The following DLGAP2 variants were observed in gnomAD, a reference collection of about 807,000 sequenced individuals.
DLGAP2 encodes disks large-associated protein 2.
DLGAP2 carries 26 observed loss-of-function variants against 100.3 expected under a neutral mutation model. The ratio of observed to expected loss-of-function variants is 0.26; its 90% CI spans 0.19 to 0.36. DLGAP2 has a LOEUF of 0.36. DLGAP2 is among the 10% of genes least tolerant of loss of function. The pLI is 1.00. For synonymous variants in DLGAP2, 886 were observed against 630.1 expected, an observed-to-expected ratio of 1.41 and a Z score of -6.08; for missense variants, 1,858 against 1,453.2, an observed-to-expected ratio of 1.28 and a Z score of -4.53.
chr8:801,861 A>C (rs1796159840), intron 1 of DLGAP2, among the ~76,000 whole-genome samples: 1 of 151,842 alleles, frequency 6.6e-6, no homozygotes, highest in African/African-American at 2.4e-5. Flanking sequence ...GCCCTTTCGT[A>C]CCTGAGCCGC....
chr8:1,575,699 A>G (rs922208776), intron 6 of DLGAP2, among the ~76,000 whole-genome samples: 12 of 136,774 alleles, frequency 8.8e-5, no homozygotes, highest in African/African-American at 3.0e-4. Flanking sequence ...ATTCCCACCT[A>G]TGAGTGAGAA....
chr8:1,315,553 C>A (rs867732816), intron 3 of DLGAP2, among the ~76,000 whole-genome samples: 10 of 105,028 alleles, frequency 9.5e-5, no homozygotes, highest in African/African-American at 3.1e-4. Context: ...AACTCGGCAG[C>A]GTTTAAAAAT....
At chr8:1,379,316 G>T (rs1416495772) in intron 3 of DLGAP2, among the ~76,000 whole-genome samples, 1 of 152,252 alleles carries the variant, frequency 6.6e-6, no homozygotes, top group Admixed American at 6.5e-5. Context: ...CGAGGCATGG[G>T]CCTAAGAGCC....
intron 3 of DLGAP2, among the ~76,000 whole-genome samples, chr8:1,262,734 A>G (rs1230136805): frequency 1.3e-5 from 2 of 152,224 alleles, no homozygotes; most frequent in African/African-American, 4.8e-5. Context: ...CATAGCAAAA[A>G]TCCGTGTGCG....
intron 1 of DLGAP2, among the ~76,000 whole-genome samples, chr8:904,220 A>G (rs1216544691): frequency 6.6e-6 from 1 of 152,188 alleles, no homozygotes; most frequent in Admixed American, 6.5e-5. Flanking sequence ...GATTTTCATT[A>G]ATTAAAATTA....
At chr8:871,866 A>C (rs1797605251) in intron 1 of DLGAP2, among the ~76,000 whole-genome samples, 1 of 152,124 alleles carries the variant, frequency 6.6e-6, no homozygotes, top group Admixed American at 6.5e-5. Context: ...CATGTATATT[A>C]AGTAATTCTT....
intron 3 of DLGAP2, among the ~76,000 whole-genome samples, chr8:1,469,194 G>A (rs551739526): frequency 6.6e-6 from 1 of 152,326 alleles, no homozygotes; most frequent in African/African-American, 2.4e-5. Context: ...TCCAGTCCTG[G>A]GGCTTCCTCC....
At chr8:827,554 C>G (rs1796704802) in intron 1 of DLGAP2, among the ~76,000 whole-genome samples, 1 of 152,134 alleles carries the variant, frequency 6.6e-6, no homozygotes, top group African/African-American at 2.4e-5. Context: ...TCATGCAGAA[C>G]TTAGAACAGT....
chr8:1,582,844 C>T (rs950495978), intron 6 of DLGAP2, among the ~76,000 whole-genome samples: 8 of 152,174 alleles, frequency 5.3e-5, no homozygotes, highest in Admixed American at 2.6e-4. Flanking sequence ...ATGGCCCACC[C>T]TCCTCGGCTT....
intron 1 of DLGAP2, among the ~76,000 whole-genome samples, chr8:761,246 C>T (rs1355179264): frequency 6.6e-6 from 1 of 152,148 alleles, no homozygotes; most frequent in Non-Finnish European, 1.5e-5. Flanking sequence ...TTGGTAGAAC[C>T]TGCTGGTCTT....
chr8:1,468,226 G>T (rs1308762498), intron 3 of DLGAP2, among the ~76,000 whole-genome samples: 1 of 152,120 alleles, frequency 6.6e-6, no homozygotes, highest in Admixed American at 6.5e-5. Context: ...GTCCTCTGCA[G>T]CCTCGGTCGG....
chr8:1,609,331 AG>A (rs1443405202), intron 6 of DLGAP2, among the ~76,000 whole-genome samples: 1 of 137,994 alleles, frequency 7.2e-6, no homozygotes, highest in African/African-American at 2.6e-5. Context: ...TTTACAGACA[AG>A]CAAATGCTGA....
At chr8:1,699,043 T>G (rs1799495583) in intron 14 of DLGAP2, among the ~76,000 whole-genome samples, 1 of 152,162 alleles carries the variant, frequency 6.6e-6, no homozygotes, top group African/African-American at 2.4e-5. Flanking sequence ...ACGGTTTGGA[T>G]CTGAGGTGAA....
chr8:1,581,611 G>C (rs1007112503), intron 6 of DLGAP2, among the ~76,000 whole-genome samples: 4 of 149,052 alleles, frequency 2.7e-5, no homozygotes, highest in Non-Finnish European at 5.9e-5. Context: ...CAAACTACCA[G>C]AAGTGAAGGA....
intron 1 of DLGAP2, among the ~76,000 whole-genome samples, chr8:746,848 C>T (rs1261649414): frequency 6.6e-6 from 1 of 152,192 alleles, no homozygotes; most frequent in Non-Finnish European, 1.5e-5. Context: ...CGGTGTAGCC[C>T]CTGCTGGCTG....
At chr8:1,618,877 G>A (rs1384730396) in intron 6 of DLGAP2, among the ~76,000 whole-genome samples, 1 of 152,118 alleles carries the variant, frequency 6.6e-6, no homozygotes. Flanking sequence ...CAGTAGACAC[G>A]AGTAGCACCC....
chr8:1,268,080 G>C (rs1799504953), intron 3 of DLGAP2, among the ~76,000 whole-genome samples: 1 of 152,162 alleles, frequency 6.6e-6, no homozygotes, highest in African/African-American at 2.4e-5. Context: ...CATTTATGCA[G>C]AATGATATAA....
intron 2 of DLGAP2, among the ~76,000 whole-genome samples, chr8:1,068,521 C>T (rs71516150): frequency 0.02 from 3,017 of 152,218 alleles, 55 homozygotes; most frequent in Non-Finnish European, 0.032. Context: ...GAGGCTTCCC[C>T]GGTGGGGACT....
chr8:1,477,159 G>C (rs1198757100), intron 3 of DLGAP2, among the ~76,000 whole-genome samples: 2 of 152,036 alleles, frequency 1.3e-5, no homozygotes, highest in African/African-American at 4.8e-5. Context: ...TCACCAGCTG[G>C]CTGTCAGATG....
Sources: gnomAD v4.1 joint callset for allele counts (sites outside exome capture counted in the v4.1 genomes callset) on GRCh38, gnomAD v4.1.1 for gene constraint, MANE v1.5 for transcripts, NCBI Gene and HGNC (gene_info 2026-07-23, HGNC 2026-07-21) for gene names.